The following KCND2 variants were observed in gnomAD, a reference collection of about 807,000 sequenced individuals.
The protein encoded by KCND2 is potassium voltage-gated channel subfamily D member 2, also known as A-type voltage-gated potassium channel KCND2.
In KCND2, 16 loss-of-function variants were observed where a neutral mutation model predicts 54.4. That is an observed-to-expected ratio of 0.29 (90% CI 0.20 to 0.45). The LOEUF is 0.45. Ranked by LOEUF, KCND2 falls within the 20% of genes least tolerant of loss-of-function variation. The probability of loss-of-function intolerance (pLI) is 1.00; values close to 1 mark genes in which losing one functional copy is unlikely to be tolerated. For synonymous variants in KCND2, 317 were observed against 310.7 expected (o/e 1.02, Z -0.21); for missense variants, 486 against 824.2 (o/e 0.59, Z 5.02).
chr7:120,379,937 A>G (rs1800890340), intron 1 of KCND2, among the ~76,000 whole-genome samples: 1 of 152,088 alleles, frequency 6.6e-6, no homozygotes. Flanking sequence ...AATACTAATT[A>G]TGATACTCCT....
intron 1 of KCND2, among the ~76,000 whole-genome samples, chr7:120,546,846 A>T (rs56171613): frequency 0.051 from 7,818 of 152,028 alleles, 686 homozygotes; most frequent in African/African-American, 0.18. Flanking sequence ...ACACATTTGT[A>T]CCTGATATAA....
rs907329678 is a variant in KCND2, at chr7:120,742,599, C to T, written c.1464C>T (p.Thr488=). 6.2e-7 allele frequency: 1 copy of T among 1,612,714 alleles called. No homozygotes were observed. The highest frequency in any genetic ancestry group is 8.5e-7 in the Non-Finnish European group (1 of 1,178,874). ...ACCTGCTTCACTGCCTGGAAAAAACCACGGTAAGGAGACAGCATGACTGCC... is the reference window on the plus strand; with the variant it reads ...ACCTGCTTCACTGCCTGGAAAAAACTACGGTAAGGAGACAGCATGACTGCC... ...HHHLLHCLEK[T]TNHEFVDEQV... is the part of the protein sequence containing the mutation. The change falls in exon 4 of 6, where the codon ACC becomes ACT. Residue 488 remains threonine, a synonymous_variant. Coordinates refer to ENST00000331113, the MANE Select transcript of KCND2 (RefSeq NM_012281.3).
intron 1 of KCND2, among the ~76,000 whole-genome samples, chr7:120,663,333 A>AT (rs1562902343): frequency 2.0e-5 from 3 of 152,096 alleles, no homozygotes; most frequent in South Asian, 2.1e-4. Context: ...AAATGCAGAG[A>AT]TTTTTTCACA....
chr7:120,468,019 G>A (rs1157137904), intron 1 of KCND2, among the ~76,000 whole-genome samples: 4 of 152,024 alleles, frequency 2.6e-5, no homozygotes, highest in African/African-American at 9.7e-5. Context: ...ACAATTATAT[G>A]TATATATATA....
chr7:120,694,666 C>G (rs1792311838), intron 1 of KCND2, among the ~76,000 whole-genome samples: 1 of 152,092 alleles, frequency 6.6e-6, no homozygotes, highest in Non-Finnish European at 1.5e-5. Context: ...CATTATTACC[C>G]CCAATGATGC....
intron 1 of KCND2, among the ~76,000 whole-genome samples, chr7:120,631,763 G>A (rs1275687835): frequency 6.6e-6 from 1 of 152,072 alleles, no homozygotes; most frequent in African/African-American, 2.4e-5. Context: ...TATGATAAGA[G>A]CATCAAGTAC....
intron 1 of KCND2, among the ~76,000 whole-genome samples, chr7:120,569,419 T>C (rs1376551096): frequency 1.3e-5 from 2 of 152,204 alleles, no homozygotes; most frequent in African/African-American, 4.8e-5. Context: ...CCAAATTATT[T>C]GTCTTATTTT....
intron 1 of KCND2, among the ~76,000 whole-genome samples, chr7:120,629,191 G>A (rs1196328517): frequency 6.6e-6 from 1 of 152,130 alleles, no homozygotes; most frequent in Non-Finnish European, 1.5e-5. Flanking sequence ...GCGTATATGA[G>A]TATTAGAAAG....
chr7:120,665,366 G>A (rs1040644151), intron 1 of KCND2, among the ~76,000 whole-genome samples: 1 of 151,908 alleles, frequency 6.6e-6, no homozygotes. Context: ...TCTCTCTTAG[G>A]CAACCTCTAA....
chr7:120,290,791 T>C, intron 1 of KCND2, among the ~76,000 whole-genome samples: 1 of 152,036 alleles, frequency 6.6e-6, no homozygotes. Flanking sequence ...GGATGCTTCC[T>C]GATGTGGCTA....
At chr7:120,314,835 GTTAT>G (rs1437127149) in intron 1 of KCND2, among the ~76,000 whole-genome samples, 1 of 151,990 alleles carries the variant, frequency 6.6e-6, no homozygotes, top group Non-Finnish European at 1.5e-5. Context: ...TATACAAAAT[GTTAT>G]TTAAAAAAAT....
At chr7:120,657,710 C>T (rs549663826) in intron 1 of KCND2, among the ~76,000 whole-genome samples, 5 of 152,172 alleles carry the variant, frequency 3.3e-5, no homozygotes, top group East Asian at 1.9e-4. Context: ...TAAAAATTCA[C>T]GGGGCAGTGC....
chr7:120,646,078 A>G (rs1300886145), intron 1 of KCND2, among the ~76,000 whole-genome samples: 1 of 152,228 alleles, frequency 6.6e-6, no homozygotes, highest in African/African-American at 2.4e-5. Flanking sequence ...ATGTGGCCCT[A>G]GGAAATAAAC....
At chr7:120,317,234 C>CT (rs969717292) in intron 1 of KCND2, among the ~76,000 whole-genome samples, 1 of 152,102 alleles carries the variant, frequency 6.6e-6, no homozygotes, top group African/African-American at 2.4e-5. Flanking sequence ...GTTAGGAACA[C>CT]TTTGACCTGC....
chr7:120,376,498 A>G (rs1800836732), intron 1 of KCND2, among the ~76,000 whole-genome samples: 2 of 150,606 alleles, frequency 1.3e-5, no homozygotes, highest in South Asian at 4.1e-4. Context: ...ATATAAATAC[A>G]TAGGCACAAA....
chr7:120,279,527 G>A (rs953323799), intron 1 of KCND2, among the ~76,000 whole-genome samples: 1 of 151,734 alleles, frequency 6.6e-6, no homozygotes, highest in Admixed American at 6.6e-5. Flanking sequence ...TTATTTTAAC[G>A]ATATAAATTA....
intron 1 of KCND2, among the ~76,000 whole-genome samples, chr7:120,380,897 C>G (rs149663305): frequency 1.2e-4 from 18 of 152,138 alleles, no homozygotes; most frequent in African/African-American, 4.3e-4. Context: ...GCATTGGTAA[C>G]TTTTTAACAA....
chr7:120,458,108 G>C (rs1243813939), intron 1 of KCND2, among the ~76,000 whole-genome samples: 1 of 152,048 alleles, frequency 6.6e-6, no homozygotes, highest in Non-Finnish European at 1.5e-5. Context: ...TGAGATGTTT[G>C]GTAAACCAAG....
At chr7:120,639,800 C>G (rs1562895634) in intron 1 of KCND2, among the ~76,000 whole-genome samples, 1 of 152,224 alleles carries the variant, frequency 6.6e-6, no homozygotes, top group Admixed American at 6.5e-5. Context: ...AGTGTAGTGC[C>G]TGGAAATGAA....
Sources: gnomAD v4.1 joint callset for allele counts (sites outside exome capture counted in the v4.1 genomes callset) on GRCh38, gnomAD v4.1.1 for gene constraint, MANE v1.5 for transcripts, NCBI Gene and HGNC (gene_info 2026-07-23, HGNC 2026-07-21) for gene names.